VKORC1L1: variants seen among roughly 807,000 people sequenced by gnomAD.
The protein encoded by VKORC1L1 is vitamin K epoxide reductase complex subunit 1-like protein 1.
VKORC1L1 carries 2 observed loss-of-function variants against 18.9 expected under a neutral mutation model. The ratio of observed to expected loss-of-function variants is 0.11; its 90% confidence interval spans 0.04 to 0.33. The LOEUF is 0.33. Ranked by LOEUF, VKORC1L1 falls within the 10% of genes least tolerant of loss-of-function variation. The pLI is 1.00. For missense variants in VKORC1L1, 123 were observed against 224.1 expected, an observed-to-expected ratio of 0.55 and a Z score of 2.88; for synonymous variants, 96 against 100.0, an observed-to-expected ratio of 0.96 and a Z score of 0.24.
intron 1 of VKORC1L1, among the ~76,000 whole-genome samples, chr7:65,896,975 G>C (rs1789224307): frequency 6.6e-6 from 1 of 152,188 alleles, no homozygotes; most frequent in Admixed American, 6.5e-5. Context: ...CTGCACTCCA[G>C]CTGGGGCAAC....
chr7:65,942,489 C>T (rs1475835405), intron 1 of VKORC1L1, among the ~76,000 whole-genome samples: 1 of 95,044 alleles, frequency 1.1e-5, no homozygotes, highest in Non-Finnish European at 2.1e-5. Context: ...GAGACTCCAT[C>T]TCAAAAAAAA....
chr7:65,895,199 T>TA lies in VKORC1L1; in HGVS notation c.194+21635dup, dbSNP rs557628425. On this transcript the variant is annotated intron_variant, in intron 1 of 2. Transcript: ENST00000360768. ...TAGGTTAGGAGCATCTTAACCAACT[T>TA]ACCTTACATAACTTTACTTTCATTA... Among the ~76,000 whole-genome samples the TA allele has an allele frequency of 3.5e-3, 535 of 152,150 alleles. 9 individuals carry two copies. The highest frequency in any genetic ancestry group is 0.034 in the Admixed American group (512 of 15,272).
At chr7:65,884,820 A>C (rs930849473) in intron 1 of VKORC1L1, among the ~76,000 whole-genome samples, 3 of 152,206 alleles carry the variant, frequency 2.0e-5, no homozygotes, top group African/African-American at 7.2e-5. Context: ...AGCATCAGCA[A>C]GATTTAATGG....
intron 1 of VKORC1L1, among the ~76,000 whole-genome samples, chr7:65,935,542 C>T (rs990487688): frequency 6.6e-6 from 1 of 152,212 alleles, no homozygotes; most frequent in Non-Finnish European, 1.5e-5. Flanking sequence ...ATCTCCTGAC[C>T]TCGTGATCCA....
chr7:65,887,470 G>T (rs1173504935), intron 1 of VKORC1L1, among the ~76,000 whole-genome samples: 1 of 151,724 alleles, frequency 6.6e-6, no homozygotes, highest in Non-Finnish European at 1.5e-5. Context: ...TGAAATCAAG[G>T]TTTGGTGCTT....
At chr7:65,885,424 TTA>T (rs1196638322) in intron 1 of VKORC1L1, among the ~76,000 whole-genome samples, 2 of 152,132 alleles carry the variant, frequency 1.3e-5, no homozygotes, top group Non-Finnish European at 2.9e-5. Context: ...AAATTCTTCA[TTA>T]TTCAACTGGA....
intron 1 of VKORC1L1, among the ~76,000 whole-genome samples, chr7:65,879,117 A>G (rs900723027): frequency 7.2e-5 from 11 of 152,002 alleles, no homozygotes; most frequent in Non-Finnish European, 1.6e-4. Context: ...TTTTTTTAAC[A>G]TGGAAGTATC....
intron 1 of VKORC1L1, among the ~76,000 whole-genome samples, chr7:65,894,820 A>G (rs1213986242): frequency 1.3e-5 from 2 of 152,190 alleles, no homozygotes; most frequent in Non-Finnish European, 2.9e-5. Context: ...GCAAGGCAGG[A>G]GGATCACTTG....
intron 1 of VKORC1L1, among the ~76,000 whole-genome samples, chr7:65,929,745 G>C (rs1013169009): frequency 7.0e-6 from 1 of 143,858 alleles, no homozygotes; most frequent in Non-Finnish European, 1.5e-5. Flanking sequence ...TTTTTGTAGA[G>C]ACAGGTTCTC....
intron 1 of VKORC1L1, among the ~76,000 whole-genome samples, chr7:65,879,342 G>A (rs2116327466): frequency 6.6e-6 from 1 of 152,226 alleles, no homozygotes; most frequent in East Asian, 1.9e-4. Context: ...TCAGAAGCAG[G>A]TTGAACTGAA....
At chr7:65,920,329 C>T (rs1789654596) in intron 1 of VKORC1L1, among the ~76,000 whole-genome samples, 2 of 152,120 alleles carry the variant, frequency 1.3e-5, no homozygotes, top group South Asian at 4.1e-4. Context: ...TTCCCATCAC[C>T]TGATACCATG....
intron 1 of VKORC1L1, among the ~76,000 whole-genome samples, chr7:65,923,403 AAAG>A (rs1378964352): frequency 1.4e-4 from 22 of 152,038 alleles, no homozygotes; most frequent in Non-Finnish European, 2.6e-4. Context: ...CCTGTCTCAA[AAAG>A]AAAAAAAAAA....
At chr7:65,919,636 C>T (rs1193870978) in intron 1 of VKORC1L1, among the ~76,000 whole-genome samples, 3 of 152,152 alleles carry the variant, frequency 2.0e-5, no homozygotes, top group Non-Finnish European at 4.4e-5. Context: ...ACCTCCACTG[C>T]GGTCATCTTG....
intron 1 of VKORC1L1, among the ~76,000 whole-genome samples, chr7:65,943,093 C>A (rs917274036): frequency 1.3e-4 from 20 of 152,172 alleles, no homozygotes; most frequent in Non-Finnish European, 2.2e-4. Context: ...GCATACAGTG[C>A]TAGATGATCC....
At chr7:65,876,247 CAG>C in intron 1 of VKORC1L1, among the ~76,000 whole-genome samples, 1 of 152,238 alleles carries the variant, frequency 6.6e-6, no homozygotes, top group Non-Finnish European at 1.5e-5. Context: ...CAGAATCTCT[CAG>C]AATAAAATAT....
intron 1 of VKORC1L1, among the ~76,000 whole-genome samples, chr7:65,906,311 C>T (rs904320775): frequency 1.3e-5 from 2 of 151,626 alleles, no homozygotes; most frequent in South Asian, 2.1e-4. Flanking sequence ...GAGGATGAGG[C>T]TGCAGTGAGC....
intron 1 of VKORC1L1, among the ~76,000 whole-genome samples, chr7:65,881,894 A>G (rs1432198798): frequency 6.6e-6 from 1 of 151,940 alleles, no homozygotes; most frequent in African/African-American, 2.4e-5. Context: ...AGCTTGGCCA[A>G]CATGGTGAAA....
At chr7:65,875,123 TAAG>T (rs1318828044) in intron 1 of VKORC1L1, among the ~76,000 whole-genome samples, 1 of 152,280 alleles carries the variant, frequency 6.6e-6, no homozygotes, top group Admixed American at 6.5e-5. Context: ...GATTTGCTAA[TAAG>T]AAGAGTAGAT....
intron 1 of VKORC1L1, among the ~76,000 whole-genome samples, chr7:65,895,480 A>AATATAT (rs1162173957): frequency 1.4e-3 from 61 of 42,754 alleles, no homozygotes; most frequent in Non-Finnish European, 2.1e-3. Context: ...AAAAAAAAAA[A>AATATAT]ATATATATAT....
Sources: allele counts gnomAD v4.1 joint callset (sites outside exome capture counted in the v4.1 genomes callset), GRCh38; gene constraint gnomAD v4.1.1; transcripts MANE v1.5; gene names NCBI Gene and HGNC (gene_info 2026-07-23, HGNC 2026-07-21).